Variants in SLC4A8 observed in about 807,000 individuals in gnomAD.
The protein encoded by SLC4A8 is electroneutral sodium bicarbonate exchanger 1.
SLC4A8 carries 40 observed loss-of-function variants against 125.0 expected under a neutral mutation model. The observed-to-expected ratio is 0.32, with a 90% CI of 0.25 to 0.42. The LOEUF (loss-of-function observed/expected upper bound fraction) is 0.42, where lower values mean the gene tolerates loss of function less well. Ranked by LOEUF, SLC4A8 falls within the 10% of genes least tolerant of loss-of-function variation. The pLI, the probability that SLC4A8 is intolerant of heterozygous loss-of-function variation, is 1.00. For synonymous variants in SLC4A8, 456 were observed against 476.0 expected (o/e 0.96, Z 0.55); for missense variants, 863 against 1,355.1 (o/e 0.64, Z 5.70).
chr12:51,515,480 TA>T lies in SLC4A8; in HGVS notation c.*8043del, dbSNP rs528669185. On this transcript the variant is annotated 3_prime_UTR_variant, in exon 25 of 25. Coordinates refer to ENST00000453097, the MANE Select transcript of SLC4A8 (RefSeq NM_001039960.3). ...AGTGGGTCTCATGTAGAGATAGAGA[TA>T]TTTTTTTGTTTTAGAGATTCCAAAG... 17 of 152,350 alleles carry T rather than the reference TA, an allele frequency of 1.1e-4. No homozygotes were observed. Among genetic ancestry groups the T allele is most frequent in the South Asian group, 2.1e-4 (1 of 4,828 alleles). The allele number at this position is 152,350 out of a possible 1,614,324, so 9.4% of individuals were successfully genotyped here.
chr12:51,473,816 A>G (rs988658448), intron 14 of SLC4A8, among the ~76,000 whole-genome samples: 1 of 152,234 alleles, frequency 6.6e-6, no homozygotes, highest in African/African-American at 2.4e-5. Flanking sequence ...GTAGTGGGGT[A>G]TTACCAAAGA....
At position 51,505,907 on chromosome 12, in the gene SLC4A8, T is replaced by A. The variant is rs748404086; in HGVS notation, c.3246T>A (p.Asn1082Lys). ...CAGTTTGGAAAGCTCTCAGTATGAA[T>A]TCTGGAAATGCAAAGGAAAAGAGGT... ...KTTVWKALSM[N>K]SGNAKEKSLF... Residue 1082 changes from asparagine to lysine, a missense_variant, in exon 24 of 25, where the codon AAT becomes AAA. Coordinates refer to ENST00000453097, the MANE Select transcript of SLC4A8 (RefSeq NM_001039960.3). 6 of 1,566,504 alleles carry A rather than the reference T, an allele frequency of 3.8e-6. No homozygotes were observed. In the South Asian group the frequency reaches 6.8e-5, roughly 18 times the overall value.
At chr12:51,459,162 G>A (rs533210351) in intron 7 of SLC4A8, among the ~76,000 whole-genome samples, 1 of 152,170 alleles carries the variant, frequency 6.6e-6, no homozygotes, top group Non-Finnish European at 1.5e-5. Flanking sequence ...TCCTTGCTCT[G>A]GTCTATCTTT....
chr12:51,435,354 T>C (rs1003367818), intron 1 of SLC4A8, among the ~76,000 whole-genome samples: 2 of 152,236 alleles, frequency 1.3e-5, no homozygotes, highest in Non-Finnish European at 2.9e-5. Context: ...TACCACTCTA[T>C]GGTATAATTT....
intron 16 of SLC4A8, among the ~76,000 whole-genome samples, chr12:51,475,558 A>G (rs746407746): frequency 3.9e-5 from 6 of 152,248 alleles, no homozygotes; most frequent in Non-Finnish European, 5.9e-5. Context: ...TCCTGAATAC[A>G]GTAAATTGTC....
Position 51,507,601 on chromosome 12 carries a change from T to C in SLC4A8, c.*163T>C, listed in dbSNP as rs574112818. 5.5e-5 allele frequency: 27 copies of C among 493,010 alleles called. No individual in the cohort carries two copies. The highest frequency in any genetic ancestry group is 5.1e-4 in the African/African-American group (26 of 50,950). 30.5% of individuals were successfully genotyped at this position (493,010 alleles called of 1,614,324 possible). A position where few individuals can be genotyped will look rare whatever the true frequency, so the allele number is the denominator to read the frequency against. ...AGCATTCAGTTATTCTTGGTGTGCATTGGAAGGCATCCAGCTATCCCCATA... is the reference window on the plus strand; with the variant it reads ...AGCATTCAGTTATTCTTGGTGTGCACTGGAAGGCATCCAGCTATCCCCATA... On this transcript the variant is annotated 3_prime_UTR_variant, in exon 25 of 25. Coordinates refer to ENST00000453097, the MANE Select transcript of SLC4A8 (RefSeq NM_001039960.3).
chr12:51,432,685 T>TG (rs1030762189), intron 1 of SLC4A8, among the ~76,000 whole-genome samples: 19 of 152,110 alleles, frequency 1.2e-4, no homozygotes, highest in Admixed American at 9.2e-4. Flanking sequence ...ATGGCGCCTC[T>TG]GCACTCCAGC....
rs539500223 is a variant in SLC4A8, at chr12:51,476,490, A to G, written c.2172+1284A>G. Among the ~76,000 whole-genome samples the G allele has an allele frequency of 7.6e-4, 115 of 152,256 alleles. No individual in the cohort carries two copies. The South Asian group carries it at 0.013, about 18-fold the overall frequency. On this transcript the variant is annotated intron_variant, in intron 16 of 24. Transcript: ENST00000453097. ...AGTGAGACTCTGTCTCAAAAATAAAAAAGTTAAAAAAAAAAAGAGCACAGT... is the reference window on the plus strand; with the variant it reads ...AGTGAGACTCTGTCTCAAAAATAAAGAAGTTAAAAAAAAAAAGAGCACAGT...
chr12:51,458,751 A>G, intron 7 of SLC4A8, 101 bp downstream of exon 7: 1 of 791,404 alleles, frequency 1.3e-6, no homozygotes, highest in Non-Finnish European at 2.2e-6. Flanking sequence ...GTGTTTCAAG[A>G]CTCTTTCCCT....
chr12:51,475,534 T>C (rs566007712), intron 16 of SLC4A8, among the ~76,000 whole-genome samples: 1 of 152,240 alleles, frequency 6.6e-6, no homozygotes, highest in African/African-American at 2.4e-5. Context: ...TAACACACAA[T>C]AGCTACAGCT....
At chr12:51,452,953 G>T (rs945129678) in intron 4 of SLC4A8, among the ~76,000 whole-genome samples, 1 of 152,188 alleles carries the variant, frequency 6.6e-6, no homozygotes, top group African/African-American at 2.4e-5. Flanking sequence ...CACTGAAACA[G>T]CTCTTGCTGG....
At chr12:51,506,222 A>G (rs1230542167) in intron 24 of SLC4A8, among the ~76,000 whole-genome samples, 1 of 152,190 alleles carries the variant, frequency 6.6e-6, no homozygotes, top group East Asian at 1.9e-4. Flanking sequence ...TCCTCTTTCT[A>G]GTTCTCATTT....
chr12:51,439,654 G>A (rs141172305), intron 1 of SLC4A8, among the ~76,000 whole-genome samples: 71 of 152,228 alleles, frequency 4.7e-4, no homozygotes, highest in Admixed American at 5.9e-4. Flanking sequence ...TTAAAGGGTT[G>A]GAGCATGTAG....
chr12:51,466,298 T>C (rs1950513012), intron 11 of SLC4A8: 1 of 152,174 alleles, frequency 6.6e-6, no homozygotes, highest in East Asian at 1.9e-4. Context: ...AAAGGGGTTT[T>C]TCAGGGTATA....
At chr12:51,403,592 T>C (rs1299991028) in intron 1 of SLC4A8, among the ~76,000 whole-genome samples, 1 of 151,976 alleles carries the variant, frequency 6.6e-6, no homozygotes, top group East Asian at 1.9e-4. Context: ...CCCCTCAGAG[T>C]CTGCCGATGT....
intron 1 of SLC4A8, among the ~76,000 whole-genome samples, chr12:51,409,184 C>T (rs1948550518): frequency 1.3e-5 from 2 of 152,116 alleles, no homozygotes; most frequent in African/African-American, 2.4e-5. Context: ...ACCACTACAC[C>T]TGGCTAACAT....
intron 1 of SLC4A8, among the ~76,000 whole-genome samples, chr12:51,411,586 C>A (rs1948598981): frequency 6.6e-6 from 1 of 151,474 alleles, no homozygotes; most frequent in Non-Finnish European, 1.5e-5. Flanking sequence ...TGAGACCCTG[C>A]CACACACACA....
chr12:51,475,123 T>C lies in SLC4A8; in HGVS notation c.2089T>C (p.Trp697Arg). The part of the protein sequence containing the change: ...HGPYTPDVLF[W>R]SCILFFTTFI... ...ACCCTACACTCCTGATGTCCTCTTT[T>C]GGTCCTGTATTCTCTTTTTCACCAC... is the stretch of plus-strand genomic sequence containing the variant. Residue 697 changes from tryptophan to arginine, a missense_variant, in exon 16 of 25, where the codon TGG (tryptophan) becomes CGG (arginine). Physicochemically the swap from Trp to Arg is moderately radical, Grantham distance 101 (BLOSUM62 -3). Transcript: ENST00000453097. 1 of 1,614,102 alleles carries C rather than the reference T, an allele frequency of 6.2e-7. No individual in the cohort carries two copies. Among genetic ancestry groups the C allele is most frequent in the Non-Finnish European group, 8.5e-7 (1 of 1,179,930 alleles).
chr12:51,412,644 C>T (rs1356308136), intron 1 of SLC4A8, among the ~76,000 whole-genome samples: 1 of 152,190 alleles, frequency 6.6e-6, no homozygotes, highest in Non-Finnish European at 1.5e-5. Flanking sequence ...ATAATATGAA[C>T]TTTTTTAAGC....
Sources: gnomAD v4.1 joint callset for allele counts (sites outside exome capture counted in the v4.1 genomes callset) on GRCh38, gnomAD v4.1.1 for gene constraint, MANE v1.5 for transcripts, NCBI Gene and HGNC (gene_info 2026-07-23, HGNC 2026-07-21) for gene names.